CERS4: variants seen among roughly 807,000 people sequenced by gnomAD.
The protein encoded by CERS4 is ceramide synthase 4.
CERS4 carries 65 observed loss-of-function variants against 51.8 expected under a neutral mutation model. That is an observed-to-expected ratio of 1.26 (90% confidence interval 1.03 to 1.54). CERS4 has a LOEUF of 1.54. Ranked by LOEUF, CERS4 falls within the 40% of genes most tolerant of loss-of-function variation. CERS4 has a pLI of 0.00. For synonymous variants in CERS4, 228 were observed against 208.4 expected (o/e 1.09, Z -0.81); for missense variants, 563 against 500.4 (o/e 1.13, Z -1.19).
In CERS4 at chr19:8,256,729, C is replaced by A. The variant is rs756778066; in HGVS notation, c.612+19C>A. 6 of 1,608,010 alleles carry A rather than the reference C, an allele frequency of 3.7e-6. No individual in the cohort carries two copies. Among genetic ancestry groups the A allele is most frequent in the Non-Finnish European group, 4.2e-6 (5 of 1,177,268 alleles). On this transcript the variant is annotated intron_variant, in intron 8 of 11. Transcript: ENST00000251363. ...GCGCAAGGTGAGGCCAAATAAGAGT[C>A]TGGAAGACCCAGTCTCTGGCCGGGA...
intron 2 of CERS4, chr19:8,239,591 AC>A (rs1368693826): frequency 6.6e-6 from 1 of 151,960 alleles, no homozygotes; most frequent in Non-Finnish European, 1.5e-5. Context: ...CCCCCTCCTC[AC>A]CCAAGGAAGC....
intron 2 of CERS4, among the ~76,000 whole-genome samples, chr19:8,245,591 GTGC>G (rs1388055523): frequency 6.6e-6 from 1 of 151,670 alleles, no homozygotes; most frequent in Non-Finnish European, 1.5e-5. Context: ...CCAGGCTGGA[GTGC>G]AGTGGCACAA....
intron 2 of CERS4, among the ~76,000 whole-genome samples, chr19:8,233,515 A>G (rs1300916730): frequency 6.6e-6 from 1 of 151,956 alleles, no homozygotes; most frequent in Admixed American, 6.6e-5. Flanking sequence ...ATTGTTATCT[A>G]TGAAAGAGCT....
intron 2 of CERS4, among the ~76,000 whole-genome samples, chr19:8,213,295 A>G (rs894596245): frequency 2.0e-5 from 3 of 152,020 alleles, no homozygotes. Context: ...GATTACAGGC[A>G]TGAGCCACTG....
At chr19:8,257,116 A>T in intron 9 of CERS4, 39 bp downstream of exon 9, 4 of 1,545,514 alleles carry the variant, frequency 2.6e-6, no homozygotes, top group Non-Finnish European at 3.5e-6. Context: ...CAGCTGCTGT[A>T]CCCAGCCCTC....
chr19:8,243,219 A>G (rs1027130491), intron 2 of CERS4, among the ~76,000 whole-genome samples: 9 of 142,752 alleles, frequency 6.3e-5, no homozygotes, highest in African/African-American at 2.4e-4. Context: ...AAAAAAAAAA[A>G]AAAATAGGGG....
chr19:8,255,517 T>C (rs1419562440), intron 4 of CERS4, 90 bp from the exon 5 acceptor site: 6 of 1,125,570 alleles, frequency 5.3e-6, no homozygotes, highest in Non-Finnish European at 7.8e-6. Context: ...GGGCCTGCAG[T>C]GGAGAGGGCA....
At chr19:8,243,335 C>T (rs912588324) in intron 2 of CERS4, among the ~76,000 whole-genome samples, 13 of 151,926 alleles carry the variant, frequency 8.6e-5, no homozygotes, top group African/African-American at 1.7e-4. Flanking sequence ...CACGGGCACA[C>T]GGGATCAAGC....
chr19:8,262,199 C>T lies in CERS4; in HGVS notation c.*90C>T, dbSNP rs1969746445. 1 of 1,342,910 alleles carries T rather than the reference C, an allele frequency of 7.4e-7. No homozygotes were observed. Among genetic ancestry groups the T allele is most frequent in the Non-Finnish European group, 9.6e-7 (1 of 1,041,990 alleles). The allele number at this position is 1,342,910 out of a possible 1,614,324, so 83.2% of individuals were successfully genotyped here. On this transcript the variant is annotated 3_prime_UTR_variant, in exon 12 of 12. Transcript: ENST00000251363. ...GGACTGGCGCCCCTGGGCCACCTTTCTGGAGACAGGGAGGGCCCCACCCGG... is the reference window on the plus strand; with the variant it reads ...GGACTGGCGCCCCTGGGCCACCTTTTTGGAGACAGGGAGGGCCCCACCCGG...
intron 2 of CERS4, among the ~76,000 whole-genome samples, chr19:8,248,635 T>G (rs1968897737): frequency 6.9e-6 from 1 of 144,554 alleles, no homozygotes; most frequent in Non-Finnish European, 1.5e-5. Context: ...TGGACAGATG[T>G]TTGGATGAGT....
At chr19:8,256,793 A>C in intron 8 of CERS4, 83 bp downstream of exon 8, 5 of 1,570,102 alleles carry the variant, frequency 3.2e-6, no homozygotes, top group Non-Finnish European at 4.3e-6. Flanking sequence ...TTACAACCGC[A>C]CCTTGAGAGC....
intron 2 of CERS4, among the ~76,000 whole-genome samples, chr19:8,221,123 C>A (rs1025993686): frequency 6.6e-6 from 1 of 150,384 alleles, no homozygotes; most frequent in Non-Finnish European, 1.5e-5. Context: ...CTGTGCCCGG[C>A]CTGTGTATTT....
rs201116348 is a variant in CERS4 at position 8,214,062 on chromosome 19, T to TCACACACA, written c.-2+3208_-2+3215dup. On this transcript the variant is annotated intron_variant, in intron 2 of 11. Coordinates refer to ENST00000251363, the MANE Select transcript of CERS4 (RefSeq NM_024552.3). Reference sequence around the variant, plus strand: ...TTATACCTTTGTTAATAGGATGCTGTCACACACACACACACTGAACCGCCT... The same window carrying TCACACACA: ...TTATACCTTTGTTAATAGGATGCTGTCACACACACACACACACACACACTGAACCGCCT... Among the ~76,000 whole-genome samples the TCACACACA allele has an allele frequency of 5.9e-5, 9 of 151,698 alleles. No individual in the cohort carries two copies. In the South Asian group the frequency reaches 6.3e-4, roughly 11 times the overall value.
intron 2 of CERS4, among the ~76,000 whole-genome samples, chr19:8,248,644 GTGGATGGATGATGGGTGGGTGGACAGA>G (rs1968898379): frequency 4.6e-5 from 7 of 151,436 alleles, no homozygotes; most frequent in African/African-American, 1.7e-4. Flanking sequence ...GTTTGGATGA[GTGGATGGATGATGGGTGGGTGGACAGA>G]TGGATGGATG....
chr19:8,261,514 C>A, intron 10 of CERS4, 174 bp from the exon 11 acceptor site: 2 of 676,438 alleles, frequency 3.0e-6, no homozygotes, highest in Non-Finnish European at 2.5e-6. Context: ...TTAGTACAAG[C>A]GAGAGGGGGC....
chr19:8,256,706 G>A lies in CERS4; in HGVS notation c.608G>A (p.Arg203His), dbSNP rs146800413. ...ATCAGGCTGCCCTTTGATGTCAAGC[G>A]CAAGGTGAGGCCAAATAAGAGTCTG... is the stretch of plus-strand genomic sequence containing the variant. ...LLIRLPFDVKRKDFKEQVIHH... is the reference protein window; with the variant it reads ...LLIRLPFDVKHKDFKEQVIHH... The change falls in exon 8 of 12, where the codon CGC becomes CAC. Residue 203 changes from arginine to histidine, a missense_variant. Physicochemically the swap from Arg to His is conservative, Grantham distance 29. Coordinates refer to ENST00000251363, the MANE Select transcript of CERS4 (RefSeq NM_024552.3). 153 of 1,612,568 alleles carry A rather than the reference G, an allele frequency of 9.5e-5. No individual in the cohort carries two copies. The highest frequency in any genetic ancestry group is 6.2e-4 in the Admixed American group (37 of 59,578).
At chr19:8,260,369 A>ATTT (rs57861384) in intron 10 of CERS4, among the ~76,000 whole-genome samples, 99 of 139,068 alleles carry the variant, frequency 7.1e-4, no homozygotes, top group Middle Eastern at 3.7e-3. Context: ...TAATTTTTGT[A>ATTT]TTTTTTTTTT....
chr19:8,221,870 ATGTT>A (rs1405156194), intron 2 of CERS4, among the ~76,000 whole-genome samples: 3 of 31,752 alleles, frequency 9.4e-5, no homozygotes, highest in African/African-American at 2.5e-4. Flanking sequence ...TTATTTTTTT[ATGTT>A]TTTTTTTTTT....
intron 2 of CERS4, among the ~76,000 whole-genome samples, chr19:8,247,545 G>C (rs1968842684): frequency 6.6e-6 from 1 of 151,922 alleles, no homozygotes; most frequent in African/African-American, 2.4e-5. Flanking sequence ...TCAGCTTCCT[G>C]AATAGCTAGA....
Sources: allele counts gnomAD v4.1 joint callset (sites outside exome capture counted in the v4.1 genomes callset), GRCh38; gene constraint gnomAD v4.1.1; transcripts MANE v1.5; gene names NCBI Gene and HGNC (gene_info 2026-07-23, HGNC 2026-07-21).